WDR70: variants seen among roughly 807,000 people sequenced by gnomAD.
WDR70 encodes the protein WD repeat-containing protein 70.
Under a neutral mutation model 88.6 loss-of-function variants are expected in WDR70, and 53 were observed. The observed-to-expected ratio is 0.60, with a 90% CI of 0.48 to 0.75. The LOEUF is 0.75. WDR70 is among the 30% of genes least tolerant of loss of function. The pLI, the probability that WDR70 is intolerant of heterozygous loss-of-function variation, is 0.00. For missense variants in WDR70, 610 were observed against 823.2 expected, an observed-to-expected ratio of 0.74 and a Z score of 3.17; for synonymous variants, 280 against 270.0, an observed-to-expected ratio of 1.04 and a Z score of -0.36.
chr5:37,699,398 T>TACACACACAC (rs780835202), intron 11 of WDR70, among the ~76,000 whole-genome samples: 2,175 of 74,076 alleles, frequency 0.029, 36 homozygotes, highest in Middle Eastern at 0.1. Context: ...TGTGTATATA[T>TACACACACAC]ATATACACAC....
intron 13 of WDR70, among the ~76,000 whole-genome samples, chr5:37,712,826 C>T (rs1747550513): frequency 6.6e-6 from 1 of 152,086 alleles, no homozygotes; most frequent in South Asian, 2.1e-4. Context: ...CTCAGCCTCT[C>T]TAATAGCTGG....
intron 10 of WDR70, among the ~76,000 whole-genome samples, chr5:37,643,538 A>C (rs1438255723): frequency 1.3e-5 from 2 of 150,924 alleles, no homozygotes; most frequent in African/African-American, 4.9e-5. Context: ...TGTCATTGGT[A>C]TTTGATAGGG....
intron 10 of WDR70, among the ~76,000 whole-genome samples, chr5:37,624,574 C>T (rs1484959823): frequency 6.6e-6 from 1 of 152,034 alleles, no homozygotes; most frequent in Admixed American, 6.6e-5. Context: ...GAGAGCTTTC[C>T]CTTGGTCCCC....
intron 2 of WDR70, among the ~76,000 whole-genome samples, chr5:37,380,535 G>A (rs991817145): frequency 2.6e-5 from 4 of 151,966 alleles, no homozygotes; most frequent in African/African-American, 9.7e-5. Context: ...GTAGAGACAG[G>A]GTTTCACCGT....
Position 37,442,033 on chromosome 5 carries a change from A to AT in WDR70, c.553-1183dup, listed in dbSNP as rs545329551. 3.0e-3 allele frequency among the ~76,000 whole-genome samples: 346 copies of AT among 116,522 alleles called. 1 individual carries two copies. Among genetic ancestry groups the AT allele is most frequent in the African/African-American group, 9.8e-3 (317 of 32,462 alleles). The allele number at this position is 116,522 out of a possible 152,430, so 76.4% of individuals were successfully genotyped here. ...CCTAGGAAAGTTCACAGGGAAAGCA[A>AT]TTTTTTTTTTTTTTTTTTTTTTTGA... On this transcript the variant is annotated intron_variant, in intron 6 of 17. Coordinates refer to ENST00000265107, the MANE Select transcript of WDR70 (RefSeq NM_018034.4).
At chr5:37,651,092 C>A (rs570844612) in intron 10 of WDR70, among the ~76,000 whole-genome samples, 2 of 152,080 alleles carry the variant, frequency 1.3e-5, no homozygotes, top group South Asian at 4.2e-4. Flanking sequence ...AGGTATTTCT[C>A]CTAATGCTAT....
intron 10 of WDR70, among the ~76,000 whole-genome samples, chr5:37,682,834 A>G (rs1267761882): frequency 6.6e-6 from 1 of 152,104 alleles, no homozygotes; most frequent in East Asian, 1.9e-4. Context: ...AGTGTTCTAT[A>G]TCCAATTACG....
chr5:37,518,256 C>T (rs1368408137), intron 9 of WDR70, among the ~76,000 whole-genome samples: 1 of 152,122 alleles, frequency 6.6e-6, no homozygotes, highest in Non-Finnish European at 1.5e-5. Flanking sequence ...TTATTATTGA[C>T]TATAGTCACT....
At chr5:37,390,808 T>G (rs1421090327) in intron 3 of WDR70, among the ~76,000 whole-genome samples, 2 of 149,254 alleles carry the variant, frequency 1.3e-5, no homozygotes, top group Non-Finnish European at 3.0e-5. Context: ...CCTCCACCTC[T>G]CGGGTTCAAG....
chr5:37,736,781 G>C (rs1261596743), intron 17 of WDR70, among the ~76,000 whole-genome samples: 1 of 151,900 alleles, frequency 6.6e-6, no homozygotes, highest in Non-Finnish European at 1.5e-5. Flanking sequence ...TTTGGTAATA[G>C]TAAAAAGTAA....
chr5:37,668,732 A>G (rs1745936091), intron 10 of WDR70, among the ~76,000 whole-genome samples: 3 of 152,228 alleles, frequency 2.0e-5, no homozygotes, highest in African/African-American at 7.2e-5. Context: ...CCAGCTGGTC[A>G]TCAGTTAGAG....
chr5:37,383,257 C>T (rs1242003006), intron 3 of WDR70, among the ~76,000 whole-genome samples: 12 of 151,824 alleles, frequency 7.9e-5, no homozygotes, highest in Non-Finnish European at 1.8e-4. Context: ...TGAAAAAAAC[C>T]TTTCATTATT....
chr5:37,497,513 TCTTCC>T (rs140851585), intron 8 of WDR70, among the ~76,000 whole-genome samples: 36,637 of 142,238 alleles, frequency 0.26, 5,435 homozygotes, highest in East Asian at 0.48. Flanking sequence ...GTCTCTTCCC[TCTTCC>T]CTTCCCTTCC....
Position 37,681,963 on chromosome 5 carries a change from T to C in WDR70, c.1093-15692T>C, listed in dbSNP as rs181356097. Among the ~76,000 whole-genome samples the C allele has an allele frequency of 4.7e-3, 712 of 152,176 alleles. 4 individuals are homozygous for C. The highest frequency in any genetic ancestry group is 0.016 in the African/African-American group (646 of 41,518). On this transcript the variant is annotated intron_variant, in intron 10 of 17. Coordinates refer to ENST00000265107, the MANE Select transcript of WDR70 (RefSeq NM_018034.4). ...CCTCATACAATGAGTTAAGGAAGAG[T>C]CCCTCCTCCTCAATTGTTTTTGAGT...
intron 10 of WDR70, among the ~76,000 whole-genome samples, chr5:37,660,406 T>C (rs920751787): frequency 6.6e-6 from 1 of 152,104 alleles, no homozygotes; most frequent in Non-Finnish European, 1.5e-5. Flanking sequence ...GAGAGGAATA[T>C]TGAAATCTCA....
intron 5 of WDR70, among the ~76,000 whole-genome samples, chr5:37,416,954 T>A (rs1749775496): frequency 6.6e-6 from 1 of 152,210 alleles, no homozygotes; most frequent in South Asian, 2.1e-4. Flanking sequence ...ATGTCAAAAG[T>A]GTGCAGTCTT....
At chr5:37,578,123 T>C (rs1743112202) in intron 9 of WDR70, among the ~76,000 whole-genome samples, 1 of 152,150 alleles carries the variant, frequency 6.6e-6, no homozygotes, top group African/African-American at 2.4e-5. Flanking sequence ...TCTCAGAATA[T>C]AGTTTCAGTA....
At chr5:37,506,643 T>C in intron 8 of WDR70, 1 of 779,268 alleles carries the variant, frequency 1.3e-6, no homozygotes, top group East Asian at 2.4e-5. Context: ...TGTCTGAAGA[T>C]CAATAAATGG....
chr5:37,571,321 T>C (rs950566058), intron 9 of WDR70, among the ~76,000 whole-genome samples: 1 of 152,170 alleles, frequency 6.6e-6, no homozygotes, highest in East Asian at 1.9e-4. Context: ...AGGAGGTAGA[T>C]AGGTAATAAT....
Sources: allele counts gnomAD v4.1 joint callset (sites outside exome capture counted in the v4.1 genomes callset), GRCh38; gene constraint gnomAD v4.1.1; transcripts MANE v1.5; gene names NCBI Gene and HGNC (gene_info 2026-07-23, HGNC 2026-07-21).